Variants in CSNK1A1 observed in about 807,000 individuals in gnomAD.
CSNK1A1 encodes casein kinase I isoform alpha.
CSNK1A1 carries 7 observed loss-of-function variants against 46.1 expected under a neutral mutation model. The observed-to-expected ratio is 0.15, with a 90% confidence interval of 0.09 to 0.29. The LOEUF (loss-of-function observed/expected upper bound fraction) is 0.29, where lower values mean the gene tolerates loss of function less well. Ranked by LOEUF, CSNK1A1 falls within the 10% of genes least tolerant of loss-of-function variation. The pLI, the probability that CSNK1A1 is intolerant of heterozygous loss-of-function variation, is 1.00. For missense variants in CSNK1A1, 96 were observed against 417.1 expected (o/e 0.23, Z 6.71); for synonymous variants, 137 against 141.5 (o/e 0.97, Z 0.23).
At chr5:149,523,045 C>CTT (rs35068425) in intron 3 of CSNK1A1, among the ~76,000 whole-genome samples, 36,874 of 145,444 alleles carry the variant, frequency 0.25, 5,074 homozygotes, top group Admixed American at 0.4. Context: ...ATATTAAAGG[C>CTT]TTTTTTTTTT....
rs1182121825 is a variant in CSNK1A1 at position 149,493,951 on chromosome 5, A to G, written c.*2902T>C. 6.6e-6 allele frequency: 1 copy of G among 152,086 alleles called. No homozygotes were observed. Among genetic ancestry groups the G allele is most frequent in the East Asian group, 1.9e-4 (1 of 5,196 alleles). 9.4% of individuals were successfully genotyped at this position (152,086 alleles called of 1,614,324 possible). On this transcript the variant is annotated 3_prime_UTR_variant, in exon 10 of 10. Transcript: ENST00000377843. ...AGACTAGTTGGAAAACGACCCAGGA[A>G]CTCACCTGCATTAAATGCTGAATTT...
chr5:149,540,919 A>G (rs998357430), intron 2 of CSNK1A1, among the ~76,000 whole-genome samples: 7 of 151,658 alleles, frequency 4.6e-5, no homozygotes, highest in Non-Finnish European at 5.9e-5. Context: ...TTCTACAAAA[A>G]TACAAAAAAA....
At chr5:149,549,622 C>A in intron 2 of CSNK1A1, 1 of 662,176 alleles carries the variant, frequency 1.5e-6, no homozygotes, top group Non-Finnish European at 2.8e-6. Context: ...AGGAGGAAGA[C>A]ATGTTGGAAC....
rs1395385928 is a variant in CSNK1A1 at position 149,494,766 on chromosome 5, C to T, written c.*2087G>A. On this transcript the variant is annotated 3_prime_UTR_variant, in exon 10 of 10. Transcript: ENST00000377843. ...CAAAAAACACCTATATTTTGATTTA[C>T]AAAGCTAACAGCAGTTTTAAATCTG... 2.0e-5 allele frequency: 3 copies of T among 152,238 alleles called. No homozygotes were observed. Among genetic ancestry groups the T allele is most frequent in the Admixed American group, 1.3e-4 (2 of 15,276 alleles). 9.4% of individuals were successfully genotyped at this position (152,238 alleles called of 1,614,324 possible).
intron 3 of CSNK1A1, among the ~76,000 whole-genome samples, chr5:149,523,026 A>G (rs928790235): frequency 1.5e-4 from 22 of 147,530 alleles, no homozygotes; most frequent in South Asian, 1.3e-3. Context: ...CATATATGTT[A>G]GTTAAAACAT....
At chr5:149,502,943 A>AT (rs1026196363) in intron 9 of CSNK1A1, 33 of 664,972 alleles carry the variant, frequency 5.0e-5, no homozygotes, top group Admixed American at 6.3e-5. Context: ...TAATTTTTGT[A>AT]TTTTTTGTAG....
chr5:149,528,299 C>T (rs1197243444), intron 2 of CSNK1A1, among the ~76,000 whole-genome samples: 2 of 152,144 alleles, frequency 1.3e-5, no homozygotes, highest in South Asian at 2.1e-4. Flanking sequence ...GGCATTTTAC[C>T]TTGTGGAGCA....
chr5:149,513,192 A>G lies in CSNK1A1; in HGVS notation c.474T>C (p.Phe158=). The change falls in exon 5 of 10, where the codon TTT becomes TTC. Residue 158 remains phenylalanine, a synonymous_variant. Transcript: ENST00000377843. ...TGTCTCTGTACTTTTTGGCCAAACC[A>G]AAATCAATAAGGAATAACTTTAAAA... ...RHCNKLFLID[F]GLAKKYRDNR... is the part of the protein sequence containing the mutation. 6.2e-7 allele frequency: 1 copy of G among 1,613,542 alleles called. No homozygotes were observed. Among genetic ancestry groups the G allele is most frequent in the Non-Finnish European group, 8.5e-7 (1 of 1,179,794 alleles).
intron 2 of CSNK1A1, among the ~76,000 whole-genome samples, chr5:149,539,062 G>C (rs1448768508): frequency 6.6e-6 from 1 of 152,116 alleles, no homozygotes; most frequent in African/African-American, 2.4e-5. Flanking sequence ...GGAGTTTCTA[G>C]AATGCATTAT....
chr5:149,506,212 C>A (rs1761019061), intron 8 of CSNK1A1, among the ~76,000 whole-genome samples: 1 of 151,938 alleles, frequency 6.6e-6, no homozygotes, highest in South Asian at 2.1e-4. Context: ...TAGGTGTGAG[C>A]CATTGCACCT....
At chr5:149,498,904 C>A in intron 9 of CSNK1A1, 1 of 985,376 alleles carries the variant, frequency 1.0e-6, no homozygotes, top group Non-Finnish European at 1.2e-6. Flanking sequence ...ATCTTTTGAC[C>A]TGTTATCTGA....
At chr5:149,503,128 C>G (rs763237981) in intron 9 of CSNK1A1, 1 of 985,368 alleles carries the variant, frequency 1.0e-6, no homozygotes, top group Non-Finnish European at 1.2e-6. Flanking sequence ...TTTAAATGCC[C>G]TTGTTACTTA....
At chr5:149,512,432 T>C (rs1422763612) in intron 5 of CSNK1A1, among the ~76,000 whole-genome samples, 1 of 152,174 alleles carries the variant, frequency 6.6e-6, no homozygotes. Context: ...ATTCTTGGTA[T>C]GAGGTTCTTT....
At chr5:149,524,740 T>A (rs1427751305) in intron 3 of CSNK1A1, among the ~76,000 whole-genome samples, 2 of 152,194 alleles carry the variant, frequency 1.3e-5, no homozygotes, top group African/African-American at 2.4e-5. Flanking sequence ...AACAATTATA[T>A]GCATACATAC....
intron 2 of CSNK1A1, chr5:149,549,632 CA>C (rs1762593640): frequency 1.5e-6 from 1 of 654,398 alleles, no homozygotes; most frequent in Non-Finnish European, 2.8e-6. Flanking sequence ...CATGTTGGAA[CA>C]AAAACACAAC....
At position 149,525,040 on chromosome 5, in the gene CSNK1A1, C is replaced by T. The variant is rs1212836226; in HGVS notation, c.357+5G>A. The T allele has an allele frequency of 1.6e-5, 25 of 1,603,838 alleles. No homozygotes were observed. Among genetic ancestry groups the T allele is most frequent in the Non-Finnish European group, 2.1e-5 (25 of 1,176,320 alleles). The stretch of plus-strand genomic sequence containing the variant: ...AGTTTATATTCTAATCAAAATTTCA[C>T]ATACCTGGTCAGCTAACATAAGTAC... On this transcript the variant is annotated splice_donor_5th_base_variant and intron_variant, in intron 3 of 9. Coordinates refer to ENST00000377843, the MANE Select transcript of CSNK1A1 (RefSeq NM_001892.6). The surrounding 1 kb of genome is among the most constrained non-coding windows in gnomAD (Gnocchi z 4.2).
Position 149,549,585 on chromosome 5 carries a change from C to A in CSNK1A1, c.230+490G>T. ...AAAGGGCAGGAATATGGGGTTGAGT[C>A]ACGTCGTTCCGCCATTTTCTAAGCG... On this transcript the variant is annotated intron_variant, in intron 2 of 9. Coordinates refer to ENST00000377843, the MANE Select transcript of CSNK1A1 (RefSeq NM_001892.6). The A allele has an allele frequency of 4.4e-6, 3 of 677,586 alleles. No individual in the cohort carries two copies. The South Asian group carries it at 4.5e-5, about 10-fold the overall frequency. The allele number at this position is 677,586 out of a possible 1,614,324, so 42.0% of individuals were successfully genotyped here.
chr5:149,523,071 C>T (rs1055566047), intron 3 of CSNK1A1, among the ~76,000 whole-genome samples: 70 of 148,334 alleles, frequency 4.7e-4, no homozygotes, highest in African/African-American at 1.5e-3. Flanking sequence ...GACAGAGTCT[C>T]GTTCTATCCC....
intron 9 of CSNK1A1, chr5:149,504,299 T>C (rs964026794): frequency 1.0e-6 from 1 of 985,342 alleles, no homozygotes; most frequent in Non-Finnish European, 1.2e-6. Flanking sequence ...GGGATGAGGA[T>C]GACATCAGTT....
Sources: gnomAD v4.1 joint callset for allele counts (sites outside exome capture counted in the v4.1 genomes callset) on GRCh38, gnomAD v4.1.1 for gene constraint, Gnocchi (gnomAD v3.1) non-coding constraint, MANE v1.5 for transcripts, NCBI Gene and HGNC (gene_info 2026-07-23, HGNC 2026-07-21) for gene names.